PYGB: variants seen among roughly 807,000 people sequenced by gnomAD.
PYGB encodes glycogen phosphorylase, brain form.
PYGB carries 82 observed loss-of-function variants against 94.3 expected under a neutral mutation model. The ratio of observed to expected loss-of-function variants is 0.87; its 90% CI spans 0.73 to 1.04. The LOEUF is 1.04. PYGB is among the 50% of genes least tolerant of loss of function. The pLI, the probability that PYGB is intolerant of heterozygous loss-of-function variation, is 0.00. For synonymous variants in PYGB, 488 were observed against 479.1 expected (o/e 1.02, Z -0.24); for missense variants, 1,132 against 1,158.2 (o/e 0.98, Z 0.33).
At chr20:25,258,640 C>T (rs1046703996) in intron 1 of PYGB, among the ~76,000 whole-genome samples, 2 of 152,238 alleles carry the variant, frequency 1.3e-5, no homozygotes, top group South Asian at 4.1e-4. Flanking sequence ...GTCCTTGATA[C>T]AGCACCTCAC....
At chr20:25,248,505 G>A in intron 1 of PYGB, 84 bp downstream of exon 1, 1 of 1,264,464 alleles carries the variant, frequency 7.9e-7, no homozygotes, top group Non-Finnish European at 1.0e-6. Flanking sequence ...TCTCTGCGGG[G>A]CGGCCCGTCG....
intron 2 of PYGB, among the ~76,000 whole-genome samples, chr20:25,267,320 C>T (rs563946322): frequency 1.8e-4 from 28 of 152,170 alleles, no homozygotes; most frequent in African/African-American, 6.3e-4. Context: ...CTGATGGGCA[C>T]GGGGCTGCTT....
chr20:25,280,358 G>C lies in PYGB; in HGVS notation c.1185G>C (p.Lys395Asn), dbSNP rs1600734435. The C allele has an allele frequency of 6.2e-7, 1 of 1,614,220 alleles. No individual in the cohort carries two copies. Among genetic ancestry groups the C allele is most frequent in the Non-Finnish European group, 8.5e-7 (1 of 1,180,016 alleles). ...GCTGGCCCGTGTCCATGTTTGAGAA[G>C]CTGCTGCCGCGGCACCTGGAGATAA... ...LERWPVSMFE[K>N]LLPRHLEIIY... Residue 395 changes from lysine (K) to asparagine (N), a missense_variant, in exon 10 of 20, where the codon AAG (lysine) becomes AAC (asparagine). By Grantham distance (94) the Lys-to-Asn change is moderately conservative (BLOSUM62 0). Coordinates refer to ENST00000216962, the MANE Select transcript of PYGB (RefSeq NM_002862.4).
rs745743389 is a variant in PYGB at position 25,248,235 on chromosome 20, G to A, written c.57G>A (p.Leu19=). Reference sequence around the variant, plus strand: ...GGAAGCAGATCAGCGTGCGCGGCCTGGCGGGGCTAGGCGACGTGGCCGAGG... The same window carrying A: ...GGAAGCAGATCAGCGTGCGCGGCCTAGCGGGGCTAGGCGACGTGGCCGAGG... ...EKRKQISVRG[L]AGLGDVAEVR... is the part of the protein sequence containing the mutation. Residue 19 remains leucine (L), a synonymous_variant, in exon 1 of 20, where the codon CTG becomes CTA. Coordinates refer to ENST00000216962, the MANE Select transcript of PYGB (RefSeq NM_002862.4). 6.3e-7 allele frequency: 1 copy of A among 1,596,904 alleles called. No individual in the cohort carries two copies. Among genetic ancestry groups the A allele is most frequent in the South Asian group, 1.1e-5 (1 of 88,884 alleles).
chr20:25,277,279 C>T lies in PYGB; in HGVS notation c.808C>T (p.Arg270Trp), dbSNP rs149578335. 6.9e-6 allele frequency: 11 copies of T among 1,586,230 alleles called. No homozygotes were observed. Among genetic ancestry groups the T allele is most frequent in the African/African-American group, 6.7e-5 (5 of 74,244 alleles). The change falls in exon 7 of 20, where the codon CGG (arginine) becomes TGG (tryptophan). Residue 270 changes from arginine to tryptophan, a missense_variant. Coordinates refer to ENST00000216962, the MANE Select transcript of PYGB (RefSeq NM_002862.4). ...VGDYIEAVLD[R>W]NLAENISRVL... ...AGACTACATCGAGGCGGTCCTGGACCGGAACTTGGCTGAGAACATCTCCAG... is the reference window on the plus strand; with the variant it reads ...AGACTACATCGAGGCGGTCCTGGACTGGAACTTGGCTGAGAACATCTCCAG...
chr20:25,257,847 C>T (rs138870552), intron 1 of PYGB, among the ~76,000 whole-genome samples: 82 of 152,296 alleles, frequency 5.4e-4, no homozygotes, highest in Non-Finnish European at 9.6e-4. Context: ...CTGGACAGTG[C>T]CTGTGGCTTC....
chr20:25,292,339 A>T, intron 16 of PYGB, 67 bp from the exon 17 acceptor site: 2 of 1,560,518 alleles, frequency 1.3e-6, no homozygotes, highest in Non-Finnish European at 1.8e-6. Flanking sequence ...CTTGTCCTGC[A>T]GTGAGCCTTG....
chr20:25,263,998 A>G (rs2092919070), intron 2 of PYGB, among the ~76,000 whole-genome samples: 1 of 151,976 alleles, frequency 6.6e-6, no homozygotes, highest in Middle Eastern at 3.2e-3. Context: ...TTAGACCAAT[A>G]TCCCTGATGA....
At chr20:25,282,825 G>T (rs2088380822) in intron 12 of PYGB, among the ~76,000 whole-genome samples, 1 of 152,234 alleles carries the variant, frequency 6.6e-6, no homozygotes, top group Non-Finnish European at 1.5e-5. Flanking sequence ...CCTGCTTCAG[G>T]CAGGGAAGGT....
intron 14 of PYGB, among the ~76,000 whole-genome samples, chr20:25,287,571 G>A (rs537006949): frequency 7.4e-4 from 112 of 152,316 alleles, no homozygotes; most frequent in Middle Eastern, 3.4e-3. Context: ...GATCACTTGA[G>A]TCCAGGAGTC....
intron 5 of PYGB, among the ~76,000 whole-genome samples, chr20:25,276,306 G>A (rs2088310197): frequency 1.3e-5 from 2 of 152,178 alleles, no homozygotes; most frequent in African/African-American, 4.8e-5. Flanking sequence ...TAAGGAGGGA[G>A]GTGGGGGTTG....
Position 25,280,288 on chromosome 20 carries a change from C to T in PYGB, c.1115C>T (p.Thr372Ile), listed in dbSNP as rs775351268. The T allele has an allele frequency of 1.9e-6, 3 of 1,614,158 alleles. No homozygotes were observed. Among genetic ancestry groups the T allele is most frequent in the African/African-American group, 1.3e-5 (1 of 75,084 alleles). Residue 372 changes from threonine to isoleucine, a missense_variant, in exon 10 of 20, where the codon ACC (threonine) becomes ATC (isoleucine). By Grantham distance (89) the Thr-to-Ile change is moderately conservative. Transcript: ENST00000216962. ...WDKAWEITKK[T>I]CAYTNHTVLP... is the part of the protein sequence containing the mutation. Reference sequence around the variant, plus strand: ...TAGGCCTGGGAAATCACGAAGAAGACCTGTGCATACACCAACCACACTGTG... The same window carrying T: ...TAGGCCTGGGAAATCACGAAGAAGATCTGTGCATACACCAACCACACTGTG...
chr20:25,280,852 CCATGGGTGGT>C, intron 10 of PYGB, 87 bp from the exon 11 acceptor site: 3 of 1,464,034 alleles, frequency 2.0e-6, no homozygotes, highest in Non-Finnish European at 2.8e-6. Context: ...GCAGAGCTTC[CCATGGGTGGT>C]CATGGAGTGT....
At chr20:25,252,911 T>G (rs749977526) in intron 1 of PYGB, among the ~76,000 whole-genome samples, 1 of 152,184 alleles carries the variant, frequency 6.6e-6, no homozygotes, top group Non-Finnish European at 1.5e-5. Context: ...ACCCTCTAAT[T>G]AGAGCTGGTT....
At chr20:25,280,004 A>C (rs2088350969) in intron 9 of PYGB, among the ~76,000 whole-genome samples, 1 of 152,180 alleles carries the variant, frequency 6.6e-6, no homozygotes, top group Non-Finnish European at 1.5e-5. Context: ...GTAGCAGGCG[A>C]TTGTGTCTTA....
At chr20:25,289,075 C>G (rs570701398) in intron 15 of PYGB, among the ~76,000 whole-genome samples, 19 of 152,182 alleles carry the variant, frequency 1.2e-4, no homozygotes, top group South Asian at 4.1e-4. Context: ...GTGAGGCACC[C>G]CAGCCCTCCA....
rs1402806441 is a variant in PYGB at position 25,296,405 on chromosome 20, C to T, written c.2415C>T (p.Asn805=). 6 of 1,613,984 alleles carry T rather than the reference C, an allele frequency of 3.7e-6. No individual in the cohort carries two copies. The highest frequency in any genetic ancestry group is 2.2e-5 in the South Asian group (2 of 91,086). The part of the protein sequence containing the change: ...PKEWTKKVIR[N]IACSGKFSSD... The stretch of plus-strand genomic sequence containing the variant: ...AGTGGACCAAGAAGGTCATCAGGAA[C>T]ATCGCCTGCTCGGGCAAGTTCTCCA... The change falls in exon 20 of 20, where the codon AAC becomes AAT. Residue 805 remains asparagine (N), a synonymous_variant. Transcript: ENST00000216962.
intron 1 of PYGB, among the ~76,000 whole-genome samples, chr20:25,254,481 A>T (rs978631226): frequency 6.6e-6 from 1 of 152,188 alleles, no homozygotes; most frequent in African/African-American, 2.4e-5. Flanking sequence ...CATTCTTAGG[A>T]TACGGTGAAG....
intron 2 of PYGB, among the ~76,000 whole-genome samples, chr20:25,268,166 C>CCA (rs1555806035): frequency 3.6e-5 from 3 of 83,342 alleles, no homozygotes; most frequent in East Asian, 3.5e-4. Flanking sequence ...CACCCGCCCC[C>CCA]CCCCCATATC....
Sources: gnomAD v4.1 joint callset for allele counts (sites outside exome capture counted in the v4.1 genomes callset) on GRCh38, gnomAD v4.1.1 for gene constraint, MANE v1.5 for transcripts, NCBI Gene and HGNC (gene_info 2026-07-23, HGNC 2026-07-21) for gene names.